The following LRP1B variants were observed in gnomAD, a reference collection of about 807,000 sequenced individuals.
The protein encoded by LRP1B is LDL receptor related protein 1B, also known as low-density lipoprotein receptor-related protein 1B.
LRP1B carries 217 observed loss-of-function variants against 556.6 expected under a neutral mutation model. That is an observed-to-expected ratio of 0.39 (90% CI 0.35 to 0.44). The LOEUF (loss-of-function observed/expected upper bound fraction) is 0.44, where lower values mean the gene tolerates loss of function less well. Ranked by LOEUF, LRP1B falls within the 20% of genes least tolerant of loss-of-function variation. The pLI is 1.00. For missense variants in LRP1B, 5,053 were observed against 5,620.8 expected (o/e 0.90, Z 3.23); for synonymous variants, 2,047 against 1,865.8 (o/e 1.10, Z -2.50).
intron 37 of LRP1B, among the ~76,000 whole-genome samples, chr2:140,712,848 C>G (rs773623327): frequency 5.9e-5 from 9 of 152,030 alleles, no homozygotes; most frequent in Non-Finnish European, 1.3e-4. Context: ...CTCTTTATTG[C>G]TGGCACACTG....
intron 2 of LRP1B, among the ~76,000 whole-genome samples, chr2:141,607,437 G>A (rs1044953169): frequency 2.0e-5 from 3 of 152,120 alleles, no homozygotes; most frequent in African/African-American, 7.2e-5. Context: ...CTAGTAGATA[G>A]TAGTCATGCA....
At chr2:141,243,827 T>G (rs1683970898) in intron 5 of LRP1B, among the ~76,000 whole-genome samples, 1 of 152,122 alleles carries the variant, frequency 6.6e-6, no homozygotes, top group Non-Finnish European at 1.5e-5. Flanking sequence ...ATTACATGAA[T>G]TAATAGGAAT....
chr2:140,348,705 C>T (rs943207577), intron 77 of LRP1B, among the ~76,000 whole-genome samples: 6 of 151,970 alleles, frequency 3.9e-5, no homozygotes, highest in Non-Finnish European at 7.4e-5. Flanking sequence ...GATTCTATAA[C>T]ACATTAATAA....
At chr2:141,264,052 T>C (rs1684797993) in intron 3 of LRP1B, among the ~76,000 whole-genome samples, 2 of 152,216 alleles carry the variant, frequency 1.3e-5, no homozygotes, top group Non-Finnish European at 1.5e-5. Context: ...TAACTTCTCT[T>C]ACCATTTATA....
intron 77 of LRP1B, among the ~76,000 whole-genome samples, chr2:140,336,271 A>G (rs1257021255): frequency 6.6e-6 from 1 of 151,934 alleles, no homozygotes; most frequent in Non-Finnish European, 1.5e-5. Context: ...TATTTTGTAT[A>G]TATCAATTTT....
At chr2:140,602,944 G>A (rs9646668) in intron 41 of LRP1B, among the ~76,000 whole-genome samples, 33,338 of 151,804 alleles carry the variant, frequency 0.22, 4,008 homozygotes, top group Admixed American at 0.3. Context: ...TCACAGGGCT[G>A]ATAATATTAA....
At chr2:142,120,337 C>T (rs1026048503) in intron 1 of LRP1B, among the ~76,000 whole-genome samples, 1 of 152,176 alleles carries the variant, frequency 6.6e-6, no homozygotes, top group South Asian at 2.1e-4. Flanking sequence ...GTCTCAAACT[C>T]CTGCCTTCAG....
chr2:140,807,682 A>AC (rs1188211921), intron 32 of LRP1B, among the ~76,000 whole-genome samples: 1 of 152,096 alleles, frequency 6.6e-6, no homozygotes, highest in African/African-American at 2.4e-5. Flanking sequence ...AGAAAATTCC[A>AC]TAAAAAAAAT....
At chr2:141,591,982 C>T (rs994300703) in intron 2 of LRP1B, among the ~76,000 whole-genome samples, 7 of 152,172 alleles carry the variant, frequency 4.6e-5, no homozygotes, top group Non-Finnish European at 8.8e-5. Context: ...TTTCAAATCA[C>T]GTGACCTGGA....
chr2:140,315,375 T>G (rs1573776910), intron 82 of LRP1B, among the ~76,000 whole-genome samples: 1 of 152,262 alleles, frequency 6.6e-6, no homozygotes, highest in African/African-American at 2.4e-5. Flanking sequence ...ATAGTAAAAC[T>G]AACTGAAACT....
At chr2:141,959,669 TA>T (rs1701350003) in intron 1 of LRP1B, among the ~76,000 whole-genome samples, 1 of 151,992 alleles carries the variant, frequency 6.6e-6, no homozygotes, top group African/African-American at 2.4e-5. Context: ...AAAATACATT[TA>T]AAATATTATT....
At chr2:141,798,705 C>CA (rs151310050) in intron 2 of LRP1B, among the ~76,000 whole-genome samples, 15,321 of 61,860 alleles carry the variant, frequency 0.25, 2,246 homozygotes, top group African/African-American at 0.27. Context: ...GACTCTGTCT[C>CA]AAAAAAAAAA....
chr2:141,866,826 T>G (rs1698428083), intron 1 of LRP1B, among the ~76,000 whole-genome samples: 1 of 136,634 alleles, frequency 7.3e-6, no homozygotes. Flanking sequence ...GGAGAGAAAA[T>G]AGAAGGAGAG....
intron 3 of LRP1B, among the ~76,000 whole-genome samples, chr2:141,393,223 A>G (rs1163479879): frequency 2.0e-5 from 3 of 152,036 alleles, no homozygotes; most frequent in Non-Finnish European, 4.4e-5. Context: ...ACACATAAAC[A>G]TACACACACA....
At chr2:141,253,595 C>A (rs1684349366) in intron 4 of LRP1B, among the ~76,000 whole-genome samples, 1 of 152,012 alleles carries the variant, frequency 6.6e-6, no homozygotes, top group Admixed American at 6.6e-5. Context: ...CTATCAGGAT[C>A]TCATTTTTGT....
intron 1 of LRP1B, among the ~76,000 whole-genome samples, chr2:141,940,125 G>A (rs904362661): frequency 6.6e-5 from 10 of 152,084 alleles, no homozygotes; most frequent in Non-Finnish European, 7.4e-5. Context: ...ATACTACAAT[G>A]ATTAGTGACA....
chr2:141,243,397 G>T (rs1048321428), intron 5 of LRP1B, among the ~76,000 whole-genome samples: 1 of 152,016 alleles, frequency 6.6e-6, no homozygotes, highest in Non-Finnish European at 1.5e-5. Context: ...TAGAAAAATG[G>T]CTTAAGCCTA....
At chr2:140,558,119 T>C (rs1680800112) in intron 43 of LRP1B, among the ~76,000 whole-genome samples, 1 of 152,000 alleles carries the variant, frequency 6.6e-6, no homozygotes, top group Non-Finnish European at 1.5e-5. Flanking sequence ...TAATAACAAG[T>C]ATTAGCAAGG....
chr2:142,059,541 G>T (rs1357710976), intron 1 of LRP1B, among the ~76,000 whole-genome samples: 1 of 151,674 alleles, frequency 6.6e-6, no homozygotes, highest in Admixed American at 6.6e-5. Flanking sequence ...AGTTTTTATT[G>T]TTTTTTTAAA....
Sources: gnomAD v4.1 joint callset for allele counts (sites outside exome capture counted in the v4.1 genomes callset) on GRCh38, gnomAD v4.1.1 for gene constraint, MANE v1.5 for transcripts, NCBI Gene and HGNC (gene_info 2026-07-23, HGNC 2026-07-21) for gene names.